The following TBCK variants were observed in gnomAD, a reference collection of about 807,000 sequenced individuals.
TBCK encodes TBC1 domain containing kinase, also known as TBC domain-containing protein kinase-like protein.
In TBCK, 99 loss-of-function variants were observed where a neutral mutation model predicts 113.4. That is an observed-to-expected ratio of 0.87 (90% confidence interval 0.74 to 1.03). The LOEUF (loss-of-function observed/expected upper bound fraction) is 1.03, where lower values mean the gene tolerates loss of function less well. TBCK is among the 50% of genes least tolerant of loss of function. TBCK has a pLI of 0.00. For missense variants in TBCK, 1,045 were observed against 1,061.3 expected (o/e 0.98, Z 0.21); for synonymous variants, 369 against 370.8 (o/e 1.00, Z 0.05).
At chr4:106,203,283 C>CATATATATATAT (rs10565641) in intron 20 of TBCK, among the ~76,000 whole-genome samples, 6 of 146,354 alleles carry the variant, frequency 4.1e-5, no homozygotes, top group African/African-American at 1.5e-4. Context: ...TATATTTTCA[C>CATATATATATAT]ATATATATAT....
intron 3 of TBCK, among the ~76,000 whole-genome samples, chr4:106,264,850 T>G (rs1032890016): frequency 2.0e-5 from 3 of 151,998 alleles, no homozygotes; most frequent in Non-Finnish European, 4.4e-5. Context: ...AATATTTTCA[T>G]GCACGGCGCA....
At chr4:106,183,064 G>A (rs1579159712) in intron 22 of TBCK, among the ~76,000 whole-genome samples, 1 of 151,912 alleles carries the variant, frequency 6.6e-6, no homozygotes, top group East Asian at 1.9e-4. Context: ...AATCTCTCAG[G>A]ACTTTGTCAT....
Position 106,171,899 on chromosome 4 carries a change from C to T in TBCK, c.2060-629G>A, listed in dbSNP as rs111300945. Among the ~76,000 whole-genome samples the T allele has an allele frequency of 1.2e-4, 19 of 152,076 alleles. 1 individual carries two copies. The highest frequency in any genetic ancestry group is 1.7e-4 in the African/African-American group (7 of 41,500). On this transcript the variant is annotated intron_variant, in intron 22 of 25. Transcript: ENST00000394708. ...AGGCTGGAGTGCAGTGGTGCAATCA[C>T]GGCTCACTGCAACCTTGGCCTCCCA... is the stretch of plus-strand genomic sequence containing the variant.
intron 5 of TBCK, among the ~76,000 whole-genome samples, chr4:106,259,529 C>G (rs1455078114): frequency 6.6e-6 from 1 of 151,858 alleles, no homozygotes; most frequent in Non-Finnish European, 1.5e-5. Flanking sequence ...CAAAGTCCTT[C>G]TTTTAGAAAA....
At chr4:106,177,389 T>G (rs1364707846) in intron 22 of TBCK, among the ~76,000 whole-genome samples, 1 of 151,954 alleles carries the variant, frequency 6.6e-6, no homozygotes, top group Middle Eastern at 3.2e-3. Context: ...GTTTTTGTGG[T>G]CTGACCTCAA....
At chr4:106,112,288 C>T (rs544808953) in intron 24 of TBCK, among the ~76,000 whole-genome samples, 27 of 152,302 alleles carry the variant, frequency 1.8e-4, no homozygotes, top group African/African-American at 6.3e-4. Context: ...TATGGACCTG[C>T]AAATAGCACT....
chr4:106,122,777 C>A (rs567778115), intron 23 of TBCK, among the ~76,000 whole-genome samples: 1 of 152,102 alleles, frequency 6.6e-6, no homozygotes, highest in African/African-American at 2.4e-5. Flanking sequence ...ACAAAAACCA[C>A]ATGATTATCT....
chr4:106,218,205 T>C (rs1240827927), intron 19 of TBCK, among the ~76,000 whole-genome samples: 3 of 145,352 alleles, frequency 2.1e-5, no homozygotes, highest in Non-Finnish European at 3.0e-5. Flanking sequence ...TTACACCTTA[T>C]ACAAAAATCA....
At chr4:106,047,513 C>A (rs1001440675) in intron 25 of TBCK, among the ~76,000 whole-genome samples, 1 of 152,154 alleles carries the variant, frequency 6.6e-6, no homozygotes, top group South Asian at 2.1e-4. Context: ...CCACACATAA[C>A]CTCAAACCTG....
intron 19 of TBCK, among the ~76,000 whole-genome samples, chr4:106,229,848 G>A (rs753457555): frequency 2.0e-5 from 3 of 151,852 alleles, no homozygotes; most frequent in Admixed American, 1.3e-4. Context: ...TTTGAATGTG[G>A]CTAAAGTTGT....
intron 20 of TBCK, among the ~76,000 whole-genome samples, chr4:106,206,072 G>A (rs1048880876): frequency 6.6e-5 from 10 of 151,736 alleles, no homozygotes; most frequent in African/African-American, 2.4e-4. Context: ...TATAAATATC[G>A]ATAGCTATAA....
At chr4:106,133,021 C>G (rs1451063874) in intron 23 of TBCK, among the ~76,000 whole-genome samples, 1 of 152,128 alleles carries the variant, frequency 6.6e-6, no homozygotes, top group African/African-American at 2.4e-5. Context: ...GGACTGTGGA[C>G]TTTTGAGTTA....
At chr4:106,120,607 A>T (rs1744199685) in intron 23 of TBCK, among the ~76,000 whole-genome samples, 1 of 152,222 alleles carries the variant, frequency 6.6e-6, no homozygotes, top group East Asian at 1.9e-4. Flanking sequence ...CTCAGCACGC[A>T]GCTGGAGATC....
chr4:106,174,924 A>G (rs1211086407), intron 22 of TBCK, among the ~76,000 whole-genome samples: 1 of 152,042 alleles, frequency 6.6e-6, no homozygotes, highest in African/African-American at 2.4e-5. Context: ...GGAGTTTGAG[A>G]CCAGCCTGGC....
At chr4:106,229,790 T>C (rs1261994904) in intron 19 of TBCK, among the ~76,000 whole-genome samples, 2 of 151,826 alleles carry the variant, frequency 1.3e-5, no homozygotes, top group African/African-American at 4.8e-5. Context: ...TATTTTTAAC[T>C]TCTATTCTAT....
intron 3 of TBCK, 80 bp from the exon 4 acceptor site, chr4:106,262,292 G>A: frequency 1.5e-6 from 1 of 683,656 alleles, no homozygotes; most frequent in Admixed American, 2.9e-5. Context: ...GTGACCTAGT[G>A]AAAATATTCA....
At chr4:106,223,731 G>A (rs890601218) in intron 19 of TBCK, among the ~76,000 whole-genome samples, 5 of 152,070 alleles carry the variant, frequency 3.3e-5, no homozygotes, top group Admixed American at 3.3e-4. Context: ...TATGTTTAAT[G>A]TGCCAAAGTT....
chr4:106,283,453 T>C (rs906222726), intron 3 of TBCK, among the ~76,000 whole-genome samples: 18 of 151,776 alleles, frequency 1.2e-4, no homozygotes, highest in African/African-American at 4.4e-4. Context: ...AGAAGAAGAG[T>C]ACGAAGGGAA....
intron 11 of TBCK, among the ~76,000 whole-genome samples, chr4:106,243,653 A>G (rs1760431793): frequency 6.6e-6 from 1 of 151,900 alleles, no homozygotes; most frequent in South Asian, 2.1e-4. Flanking sequence ...ACAGTTGCCT[A>G]CAATAATCAA....
Sources: gnomAD v4.1 joint callset for allele counts (sites outside exome capture counted in the v4.1 genomes callset) on GRCh38, gnomAD v4.1.1 for gene constraint, MANE v1.5 for transcripts, NCBI Gene and HGNC (gene_info 2026-07-23, HGNC 2026-07-21) for gene names.